SLC5A4: variants seen among roughly 807,000 people sequenced by gnomAD.
SLC5A4 encodes the protein probable glucose sensor protein SLC5A4.
A neutral mutation model predicts 70.3 loss-of-function variants in SLC5A4; 55 were observed. That is an observed-to-expected ratio of 0.78 (90% CI 0.63 to 0.98). The LOEUF is 0.98. SLC5A4 is among the 50% of genes least tolerant of loss of function. The probability of loss-of-function intolerance (pLI) is 0.00; values close to 1 mark genes in which losing one functional copy is unlikely to be tolerated. For missense variants in SLC5A4, 735 were observed against 839.2 expected (o/e 0.88, Z 1.53); for synonymous variants, 268 against 305.7 (o/e 0.88, Z 1.29).
At chr22:32,256,268 G>A (rs989319265), upstream of SLC5A4, among the ~76,000 whole-genome samples, 3 of 151,920 alleles carry the variant, frequency 2.0e-5, no homozygotes, top group East Asian at 3.9e-4. Flanking sequence ...TGATCACGCC[G>A]CTGCACTCTA....
the SLC5A4 span, among the ~76,000 whole-genome samples, chr22:32,330,711 TG>T: frequency 7.9e-4 from 58 of 73,372 alleles, 1 homozygote; most frequent in African/African-American, 3.4e-3. Flanking sequence ...CTGTGTGTAT[TG>T]GGGGCTCTGG....
the SLC5A4 span, among the ~76,000 whole-genome samples, chr22:32,296,364 G>A: frequency 2.6e-5 from 2 of 78,124 alleles, no homozygotes; most frequent in Admixed American, 1.5e-4. Flanking sequence ...CCTTGAAGAG[G>A]TCCTTCACAT....
the SLC5A4 span, among the ~76,000 whole-genome samples, chr22:32,330,958 G>A: frequency 1.1e-3 from 8 of 6,994 alleles, no homozygotes; most frequent in Middle Eastern, 0.083. Flanking sequence ...TCTGGTGTGT[G>A]TGTGTTGGGG....
intron 4 of SLC5A4, 93 bp from the exon 5 acceptor site, chr22:32,247,608 G>T: frequency 1.3e-6 from 1 of 798,466 alleles, no homozygotes; most frequent in Non-Finnish European, 2.2e-6. Context: ...GTGAGTGAAA[G>T]TCCTGTGTGT....
At chr22:32,236,630 G>T (rs1046031703) in intron 7 of SLC5A4, among the ~76,000 whole-genome samples, 3 of 151,880 alleles carry the variant, frequency 2.0e-5, no homozygotes, top group Non-Finnish European at 4.4e-5. Flanking sequence ...AAAATTATCA[G>T]CCCAATGCTA....
At chr22:32,234,837 G>C (rs377207518) in intron 8 of SLC5A4, 36 bp downstream of exon 8, 5 of 1,447,240 alleles carry the variant, frequency 3.5e-6, no homozygotes, top group African/African-American at 2.8e-5. Flanking sequence ...CAGACAGACA[G>C]ACAGACAGAC....
the SLC5A4 span, among the ~76,000 whole-genome samples, chr22:32,336,975 T>C: frequency 1.3e-5 from 2 of 152,224 alleles, no homozygotes; most frequent in Non-Finnish European, 2.9e-5. Context: ...TGAACACGGA[T>C]TGTTCCAGAG....
the SLC5A4 span, among the ~76,000 whole-genome samples, chr22:32,314,988 C>T: frequency 1.1e-4 from 16 of 152,294 alleles, no homozygotes; most frequent in Non-Finnish European, 1.6e-4. Flanking sequence ...TCAAGATGAG[C>T]TTTGGGTACA....
At chr22:32,232,775 TC>T (rs1925834340) in intron 9 of SLC5A4, 123 bp downstream of exon 9, 2 of 1,262,722 alleles carry the variant, frequency 1.6e-6, no homozygotes, top group East Asian at 4.9e-5. Context: ...GGCTGCTCCC[TC>T]CACCTGGAAG....
At chr22:32,328,657 G>C in the SLC5A4 span, among the ~76,000 whole-genome samples, 1 of 152,162 alleles carries the variant, frequency 6.6e-6, no homozygotes, top group African/African-American at 2.4e-5. Context: ...GCAGCCTCCT[G>C]AGAGACCCCA....
chr22:32,284,349 T>C, the SLC5A4 span, among the ~76,000 whole-genome samples: 87 of 152,308 alleles, frequency 5.7e-4, no homozygotes, highest in African/African-American at 2.1e-3. Context: ...CCCTAAAACT[T>C]AGTAGTTCGA....
the SLC5A4 span, among the ~76,000 whole-genome samples, chr22:32,278,829 G>T: frequency 6.6e-6 from 1 of 151,922 alleles, no homozygotes; most frequent in South Asian, 2.1e-4. Flanking sequence ...CTATGAAATG[G>T]ATAAAAAAAG....
Position 32,218,686 on chromosome 22 carries a change from T to C in SLC5A4, c.1808A>G (p.Tyr603Cys). The C allele has an allele frequency of 6.2e-7, 1 of 1,613,998 alleles. No homozygotes were observed. Among genetic ancestry groups the C allele is most frequent in the East Asian group, 2.2e-5 (1 of 44,852 alleles). ...CTTCTGCAAACCGCAGAACAAGTCA[T>C]AAGCTTTCTTGAGGCATCCACGTGA... ...EKSRGCLKKA[Y>C]DLFCGLQKGP... Residue 603 changes from tyrosine (Y) to cysteine (C), a missense_variant, in exon 15 of 15, where the codon TAT becomes TGT. Tyr to Cys is a radical substitution (Grantham distance 194). Coordinates refer to ENST00000266086, the MANE Select transcript of SLC5A4 (RefSeq NM_014227.3).
the SLC5A4 span, chr22:32,273,175 C>T: frequency 2.5e-6 from 1 of 397,172 alleles, no homozygotes; most frequent in African/African-American, 2.1e-5. Flanking sequence ...GAACAAAACA[C>T]AAGGAATATA....
the SLC5A4 span, among the ~76,000 whole-genome samples, chr22:32,340,854 G>GT: frequency 6.6e-6 from 1 of 152,160 alleles, no homozygotes; most frequent in Non-Finnish European, 1.5e-5. Context: ...TTGACTTAAT[G>GT]TTTTTAAAAG....
At chr22:32,250,702 A>C (rs2145700250) in intron 3 of SLC5A4, among the ~76,000 whole-genome samples, 1 of 152,322 alleles carries the variant, frequency 6.6e-6, no homozygotes, top group African/African-American at 2.4e-5. Flanking sequence ...CTTGGAATCA[A>C]CCCAAATGCT....
Position 32,219,630 on chromosome 22 carries a change from C to CAAAAAAAAAAAAAAAAAAAAAAAAAAA in SLC5A4, c.1769-906_1769-905insTTTTTTTTTTTTTTTTTTTTTTTTTTT. 4.2e-4 allele frequency among the ~76,000 whole-genome samples: 12 copies of CAAAAAAAAAAAAAAAAAAAAAAAAAAA among 28,866 alleles called. 1 individual carries two copies. Among genetic ancestry groups the CAAAAAAAAAAAAAAAAAAAAAAAAAAA allele is most frequent in the African/African-American group, 1.0e-3 (4 of 3,886 alleles). The allele number at this position is 28,866 out of a possible 152,430, so 18.9% of individuals were successfully genotyped here. A position where few individuals can be genotyped will look rare whatever the true frequency, so the allele number is the denominator to read the frequency against. On this transcript the variant is annotated intron_variant, in intron 14 of 14. Transcript: ENST00000266086. ...ATGAATGAGTTAATATCCAACTTAG[C>CAAAAAAAAAAAAAAAAAAAAAAAAAAA]AAAAAAAAAAAAAAAAAAAAAAGAA...
chr22:32,309,680 C>T, the SLC5A4 span, among the ~76,000 whole-genome samples: 5 of 152,098 alleles, frequency 3.3e-5, no homozygotes, highest in Admixed American at 2.0e-4. Context: ...CTTTCCACAC[C>T]GAGTGTTCAC....
the SLC5A4 span, among the ~76,000 whole-genome samples, chr22:32,338,573 G>A: frequency 1.3e-5 from 2 of 152,174 alleles, no homozygotes; most frequent in African/African-American, 2.4e-5. Flanking sequence ...GCCAAGAAAG[G>A]AGAATCACTT....
Sources: gnomAD v4.1 joint callset for allele counts (sites outside exome capture counted in the v4.1 genomes callset) on GRCh38, gnomAD v4.1.1 for gene constraint, MANE v1.5 for transcripts, NCBI Gene and HGNC (gene_info 2026-07-23, HGNC 2026-07-21) for gene names.